The following LMBR1 variants were observed in gnomAD, a reference collection of about 807,000 sequenced individuals.
LMBR1 encodes limb development membrane protein 1.
A neutral mutation model predicts 73.9 loss-of-function variants in LMBR1; 52 were observed. That is an observed-to-expected ratio of 0.70 (90% confidence interval 0.56 to 0.89). The LOEUF is 0.89. Among genes scored for constraint, LMBR1 ranks in the 40% least tolerant of loss-of-function variants. The probability of loss-of-function intolerance (pLI) is 0.00; values close to 1 mark genes in which losing one functional copy is unlikely to be tolerated. For missense variants in LMBR1, 539 were observed against 579.8 expected (o/e 0.93, Z 0.72); for synonymous variants, 215 against 209.4 (o/e 1.03, Z -0.23).
intron 15 of LMBR1, among the ~76,000 whole-genome samples, chr7:156,691,916 A>C (rs1807273167): frequency 6.6e-6 from 1 of 152,236 alleles, no homozygotes; most frequent in African/African-American, 2.4e-5. Flanking sequence ...AAAGTGACAA[A>C]GAGTATGAAA....
At chr7:156,882,614 A>G (rs1327537079) in intron 1 of LMBR1, among the ~76,000 whole-genome samples, 1 of 152,254 alleles carries the variant, frequency 6.6e-6, no homozygotes, top group East Asian at 1.9e-4. Context: ...AGGGGCAGGG[A>G]CAGGGAAGGA....
chr7:156,781,514 A>T (rs916436751), intron 5 of LMBR1, among the ~76,000 whole-genome samples: 4 of 152,088 alleles, frequency 2.6e-5, no homozygotes, highest in Non-Finnish European at 5.9e-5. Context: ...GTATTTTATT[A>T]ATATATTTAT....
At chr7:156,832,846 G>C (rs538247303) in intron 3 of LMBR1, among the ~76,000 whole-genome samples, 10 of 152,266 alleles carry the variant, frequency 6.6e-5, no homozygotes, top group Non-Finnish European at 1.3e-4. Context: ...GAAAGTCAAG[G>C]AAATAATGAA....
intron 1 of LMBR1, among the ~76,000 whole-genome samples, chr7:156,882,573 A>G (rs912679232): frequency 2.0e-5 from 3 of 152,246 alleles, no homozygotes; most frequent in African/African-American, 7.2e-5. Flanking sequence ...GGTCAAATTC[A>G]CAGACTCAAA....
At chr7:156,786,994 C>T (rs183190333) in intron 5 of LMBR1, among the ~76,000 whole-genome samples, 28 of 152,164 alleles carry the variant, frequency 1.8e-4, no homozygotes, top group Admixed American at 1.4e-3. Flanking sequence ...TCCAACAATA[C>T]AGGTATCTAT....
At position 156,754,794 on chromosome 7, in the gene LMBR1, A is replaced by G. The variant is rs373792213; in HGVS notation, c.757+1599T>C. ...TTTTTTCAGTCTTGCCTTCCTACAC[A>G]TATTTCTAAGCATACCCTACTGAAG... On this transcript the variant is annotated intron_variant, in intron 9 of 16. Coordinates refer to ENST00000353442, the MANE Select transcript of LMBR1 (RefSeq NM_022458.4). Among the ~76,000 whole-genome samples the G allele has an allele frequency of 1.7e-4, 26 of 152,190 alleles. No individual in the cohort carries two copies. In the East Asian group the frequency reaches 4.8e-3, roughly 28 times the overall value.
chr7:156,690,342 T>C (rs1806914841), intron 15 of LMBR1, among the ~76,000 whole-genome samples: 1 of 152,220 alleles, frequency 6.6e-6, no homozygotes. Flanking sequence ...AACGACTTAC[T>C]TTATGAATGC....
chr7:156,734,911 G>A (rs1352192135), intron 9 of LMBR1, among the ~76,000 whole-genome samples: 1 of 152,116 alleles, frequency 6.6e-6, no homozygotes, highest in African/African-American at 2.4e-5. Context: ...TTTATTACAT[G>A]TTTTACACGA....
At chr7:156,674,853 T>C (rs962563108), downstream of LMBR1, among the ~76,000 whole-genome samples, 62 of 152,242 alleles carry the variant, frequency 4.1e-4, no homozygotes, top group African/African-American at 1.4e-3. Context: ...ACAGTATGTT[T>C]CTATGGGACA....
At chr7:156,795,055 G>A (rs1342780811) in intron 5 of LMBR1, among the ~76,000 whole-genome samples, 1 of 152,196 alleles carries the variant, frequency 6.6e-6, no homozygotes, top group Non-Finnish European at 1.5e-5. Flanking sequence ...CAAGCGGCTT[G>A]TGCACCCTCA....
At chr7:156,767,368 TA>T (rs1485372065) in intron 5 of LMBR1, among the ~76,000 whole-genome samples, 14 of 152,246 alleles carry the variant, frequency 9.2e-5, no homozygotes, top group South Asian at 4.1e-4. Context: ...TATATAGTTA[TA>T]AACTAAAATG....
rs80015219 is a variant in LMBR1, at chr7:156,801,349, G to A, written c.320-4857C>T. Reference sequence around the variant, plus strand: ...TTGTTACCATTTTTTAGCAATAAAGGCATGTACACACATTGCTATTGCACA... The same window carrying A: ...TTGTTACCATTTTTTAGCAATAAAGACATGTACACACATTGCTATTGCACA... On this transcript the variant is annotated intron_variant, in intron 4 of 16. Coordinates refer to ENST00000353442, the MANE Select transcript of LMBR1 (RefSeq NM_022458.4). Among the ~76,000 whole-genome samples, 276 of 152,278 alleles carry A rather than the reference G, an allele frequency of 1.8e-3. 2 individuals are homozygous for A. Among genetic ancestry groups the A allele is most frequent in the African/African-American group, 6.5e-3 (269 of 41,546 alleles).
chr7:156,684,736 C>T (rs1805653262), intron 16 of LMBR1, among the ~76,000 whole-genome samples: 1 of 152,172 alleles, frequency 6.6e-6, no homozygotes, highest in African/African-American at 2.4e-5. Flanking sequence ...GTGGAAGGAT[C>T]GTTTGAGCTG....
chr7:156,763,626 C>T (rs945201520), intron 6 of LMBR1, 43 bp downstream of exon 6: 60 of 1,527,240 alleles, frequency 3.9e-5, no homozygotes, highest in Non-Finnish European at 4.9e-5. Flanking sequence ...TCCCAAACTA[C>T]AGTTTCCAGT....
intron 4 of LMBR1, chr7:156,823,764 T>C (rs1835173606): frequency 6.6e-6 from 1 of 151,930 alleles, no homozygotes; most frequent in Non-Finnish European, 1.5e-5. Context: ...ATATTAAAGG[T>C]TTTAAAGGTA....
At position 156,840,882 on chromosome 7, in the gene LMBR1, G is replaced by A. The variant is rs1252328190; in HGVS notation, c.67-3997C>T. ...CGGGGGGCTGAGGCAGGAGAATGGC[G>A]TGAACCTGGGAGGCAGAGGTTGCAA... On this transcript the variant is annotated intron_variant, in intron 1 of 16. Coordinates refer to ENST00000353442, the MANE Select transcript of LMBR1 (RefSeq NM_022458.4). Among the ~76,000 whole-genome samples the A allele has an allele frequency of 4.7e-5, 7 of 148,802 alleles. No homozygotes were observed. In the East Asian group the frequency reaches 6.0e-4, roughly 13 times the overall value.
At chr7:156,734,791 CTA>C (rs928640105) in intron 9 of LMBR1, among the ~76,000 whole-genome samples, 1 of 152,208 alleles carries the variant, frequency 6.6e-6, no homozygotes, top group African/African-American at 2.4e-5. Context: ...CTTCTCTTCT[CTA>C]TCTCACCTCC....
chr7:156,700,577 C>G (rs1198338514), intron 15 of LMBR1, among the ~76,000 whole-genome samples: 1 of 152,172 alleles, frequency 6.6e-6, no homozygotes, highest in African/African-American at 2.4e-5. Context: ...CATCTTTGCT[C>G]CAGTTCGCAA....
intron 1 of LMBR1, among the ~76,000 whole-genome samples, chr7:156,886,047 G>GAAAAAAAAAAAAAAAAAAA (rs59110740): frequency 1.7e-5 from 2 of 115,722 alleles, no homozygotes; most frequent in Non-Finnish European, 1.8e-5. Context: ...CTCAAAAAAA[G>GAAAAAAAAAAAAAAAAAAA]AAAAAAAAAA....
Sources: gnomAD v4.1 joint callset for allele counts (sites outside exome capture counted in the v4.1 genomes callset) on GRCh38, gnomAD v4.1.1 for gene constraint, MANE v1.5 for transcripts, NCBI Gene and HGNC (gene_info 2026-07-23, HGNC 2026-07-21) for gene names.